The following NR6A1 variants were observed in gnomAD, a reference collection of about 807,000 sequenced individuals.
NR6A1 encodes the protein nuclear receptor subfamily 6 group A member 1.
A neutral mutation model predicts 59.1 loss-of-function variants in NR6A1; 7 were observed. The observed-to-expected ratio is 0.12, with a 90% CI of 0.07 to 0.22. NR6A1 has a LOEUF of 0.22. Among genes scored for constraint, NR6A1 ranks in the 10% least tolerant of loss-of-function variants. NR6A1 has a pLI of 1.00. For missense variants in NR6A1, 468 were observed against 611.6 expected (o/e 0.77, Z 2.48); for synonymous variants, 243 against 236.1 (o/e 1.03, Z -0.27).
chr9:124,579,281 G>T (rs1040716109), intron 2 of NR6A1, among the ~76,000 whole-genome samples: 1 of 151,910 alleles, frequency 6.6e-6, no homozygotes, highest in Non-Finnish European at 1.5e-5. Context: ...GCCAAGTGTG[G>T]TGGCATGCAC....
chr9:124,624,000 A>G (rs1033856971), intron 2 of NR6A1, among the ~76,000 whole-genome samples: 5 of 152,162 alleles, frequency 3.3e-5, no homozygotes. Context: ...ATGTAAGTTT[A>G]TTATTCCCAT....
chr9:124,560,282 G>A (rs1588666702), intron 2 of NR6A1, among the ~76,000 whole-genome samples: 1 of 152,172 alleles, frequency 6.6e-6, no homozygotes, highest in Non-Finnish European at 1.5e-5. Flanking sequence ...GAACCCAAGG[G>A]TAGGACTTTA....
intron 2 of NR6A1, among the ~76,000 whole-genome samples, chr9:124,639,818 C>G (rs940309445): frequency 2.0e-5 from 3 of 152,254 alleles, no homozygotes; most frequent in Admixed American, 2.0e-4. Context: ...CAAGTTGTTT[C>G]AATAGTATGG....
At chr9:124,765,187 T>A (rs1008158408) in intron 1 of NR6A1, among the ~76,000 whole-genome samples, 1 of 152,232 alleles carries the variant, frequency 6.6e-6, no homozygotes, top group African/African-American at 2.4e-5. Context: ...TGAGATTATA[T>A]AATGCTGATG....
At chr9:124,578,242 G>A (rs1297389324) in intron 2 of NR6A1, among the ~76,000 whole-genome samples, 1 of 152,088 alleles carries the variant, frequency 6.6e-6, no homozygotes, top group Non-Finnish European at 1.5e-5. Context: ...TAGTAGTAAT[G>A]CCTAAAAGTG....
intron 2 of NR6A1, among the ~76,000 whole-genome samples, chr9:124,578,474 C>T (rs1032881940): frequency 1.3e-5 from 2 of 152,204 alleles, no homozygotes; most frequent in South Asian, 2.1e-4. Flanking sequence ...ATCTAGGAGT[C>T]ATTCCTAATT....
intron 2 of NR6A1, among the ~76,000 whole-genome samples, chr9:124,617,523 TGA>T (rs879784678): frequency 4.6e-5 from 7 of 152,228 alleles, no homozygotes; most frequent in Non-Finnish European, 8.8e-5. Flanking sequence ...TAGTGTCTGA[TGA>T]GCTATTTTCA....
intron 2 of NR6A1, among the ~76,000 whole-genome samples, chr9:124,691,200 C>A (rs2131020012): frequency 1.3e-5 from 2 of 152,310 alleles, no homozygotes; most frequent in African/African-American, 4.8e-5. Context: ...AATTTACTGT[C>A]ATAACACTGA....
chr9:124,597,759 C>A (rs1267182098), intron 2 of NR6A1, among the ~76,000 whole-genome samples: 1 of 152,200 alleles, frequency 6.6e-6, no homozygotes, highest in African/African-American at 2.4e-5. Context: ...TTTGAGAGCA[C>A]TTTATAGACT....
At chr9:124,634,758 T>C (rs955765970) in intron 2 of NR6A1, among the ~76,000 whole-genome samples, 3 of 151,430 alleles carry the variant, frequency 2.0e-5, no homozygotes, top group African/African-American at 7.3e-5. Flanking sequence ...GGAGGCGGAG[T>C]TTGCAATGAG....
intron 2 of NR6A1, among the ~76,000 whole-genome samples, chr9:124,567,068 A>C (rs1243147686): frequency 6.6e-6 from 1 of 151,670 alleles, no homozygotes; most frequent in African/African-American, 2.4e-5. Context: ...AGATCCCGCC[A>C]CTGCACTCCA....
At chr9:124,698,080 C>T (rs147681986) in intron 2 of NR6A1, among the ~76,000 whole-genome samples, 24 of 152,170 alleles carry the variant, frequency 1.6e-4, no homozygotes, top group African/African-American at 5.8e-4. Context: ...GAAGCAAAGA[C>T]GTTAACAACT....
intron 2 of NR6A1, among the ~76,000 whole-genome samples, chr9:124,639,314 C>A (rs755844245): frequency 6.6e-6 from 1 of 152,150 alleles, no homozygotes; most frequent in Admixed American, 6.6e-5. Flanking sequence ...CCAACAATAA[C>A]GAGGTCACTA....
intron 2 of NR6A1, chr9:124,598,666 A>C (rs1277605617): frequency 9.9e-6 from 4 of 405,312 alleles, no homozygotes; most frequent in East Asian, 6.6e-5. Context: ...AAAAAAAAAA[A>C]AAACAAGGAA....
chr9:124,685,062 G>A (rs1250212158), intron 2 of NR6A1, among the ~76,000 whole-genome samples: 1 of 152,056 alleles, frequency 6.6e-6, no homozygotes, highest in Non-Finnish European at 1.5e-5. Context: ...CATACATGTA[G>A]TCAAAGATTT....
chr9:124,757,461 C>A (rs895466750), intron 1 of NR6A1, among the ~76,000 whole-genome samples: 1,160 of 108,914 alleles, frequency 0.011, no homozygotes, highest in South Asian at 0.013. Flanking sequence ...TAAAAAAATG[C>A]AAAAAAAAAA....
At chr9:124,630,814 G>A (rs1836419325) in intron 2 of NR6A1, among the ~76,000 whole-genome samples, 1 of 151,658 alleles carries the variant, frequency 6.6e-6, no homozygotes, top group Admixed American at 6.6e-5. Flanking sequence ...GAGTGGCTGG[G>A]ATTACAGGTA....
intron 2 of NR6A1, among the ~76,000 whole-genome samples, chr9:124,590,614 G>C (rs1372146111): frequency 2.0e-5 from 3 of 152,186 alleles, no homozygotes; most frequent in African/African-American, 7.2e-5. Context: ...AATGTTAGCT[G>C]CATAATAATT....
chr9:124,758,749 AAC>A (rs1840707322), intron 1 of NR6A1, among the ~76,000 whole-genome samples: 2 of 152,222 alleles, frequency 1.3e-5, no homozygotes, highest in African/African-American at 4.8e-5. Context: ...AGAACAGGGA[AAC>A]AGTTTGGTAA....
Sources: gnomAD v4.1 joint callset for allele counts (sites outside exome capture counted in the v4.1 genomes callset) on GRCh38, gnomAD v4.1.1 for gene constraint, MANE v1.5 for transcripts, NCBI Gene and HGNC (gene_info 2026-07-23, HGNC 2026-07-21) for gene names.